Variants in DIAPH1 observed in about 807,000 individuals in gnomAD.
The protein encoded by DIAPH1 is protein diaphanous homolog 1.
A neutral mutation model predicts 140.7 loss-of-function variants in DIAPH1; 46 were observed. The observed-to-expected ratio is 0.33, with a 90% CI of 0.26 to 0.42. DIAPH1 has a LOEUF of 0.42. Ranked by LOEUF, DIAPH1 falls within the 10% of genes least tolerant of loss-of-function variation. DIAPH1 has a pLI of 1.00. For synonymous variants in DIAPH1, 565 were observed against 551.6 expected (o/e 1.02, Z -0.34); for missense variants, 1,310 against 1,558.7 (o/e 0.84, Z 2.69).
At position 141,529,206 on chromosome 5, in the gene DIAPH1, T is replaced by C; in HGVS notation, c.2744A>G (p.Asp915Gly). 1 of 1,614,188 alleles carries C rather than the reference T, an allele frequency of 6.2e-7. No individual in the cohort carries two copies. The highest frequency in any genetic ancestry group is 8.5e-7 in the Non-Finnish European group (1 of 1,180,030). Residue 915 changes from aspartate (D) to glycine (G), a missense_variant, in exon 21 of 28, where the codon GAT becomes GGT. Coordinates refer to ENST00000389054, the MANE Select transcript of DIAPH1 (RefSeq NM_005219.5). ...KMLSELKDEY[D>G]DLAESEQFGV... ...AAACTGCTCTGACTCAGCCAGGTCA[T>C]CATATTCATCCTTCAGTTCAGAAAG...
At chr5:141,531,893 G>A (rs2099888288) in intron 19 of DIAPH1, among the ~76,000 whole-genome samples, 2 of 152,020 alleles carry the variant, frequency 1.3e-5, no homozygotes, top group Admixed American at 1.3e-4. Context: ...ACTCATCTCT[G>A]CCTATAGTCT....
At chr5:141,520,950 A>G (rs2099886439) in intron 27 of DIAPH1, among the ~76,000 whole-genome samples, 1 of 152,072 alleles carries the variant, frequency 6.6e-6, no homozygotes, top group African/African-American at 2.4e-5. Context: ...ACCCAGGCTG[A>G]AGTGCAGTGG....
At chr5:141,592,257 GC>G (rs913063088) in intron 1 of DIAPH1, among the ~76,000 whole-genome samples, 1 of 152,000 alleles carries the variant, frequency 6.6e-6, no homozygotes, top group African/African-American at 2.4e-5. Flanking sequence ...GTCAGTACAA[GC>G]AAAACGGTTT....
At chr5:141,532,953 A>G (rs2099888461) in intron 19 of DIAPH1, among the ~76,000 whole-genome samples, 1 of 152,222 alleles carries the variant, frequency 6.6e-6, no homozygotes, top group African/African-American at 2.4e-5. Flanking sequence ...AATCTCCATA[A>G]GACTTCACCA....
intron 18 of DIAPH1, chr5:141,560,652 TCA>T (rs1400650099): frequency 1.6e-5 from 3 of 186,608 alleles, no homozygotes; most frequent in Non-Finnish European, 2.3e-5. Context: ...GTGCTCCAGA[TCA>T]GTTTTAATCT....
chr5:141,537,176 C>T (rs927422818), intron 18 of DIAPH1, among the ~76,000 whole-genome samples: 21 of 151,724 alleles, frequency 1.4e-4, no homozygotes, highest in African/African-American at 4.8e-4. Context: ...CTCCAAAAAA[C>T]GAAAATCATA....
chr5:141,532,261 T>C (rs1395507430), intron 19 of DIAPH1, among the ~76,000 whole-genome samples: 2 of 152,156 alleles, frequency 1.3e-5, no homozygotes, highest in Non-Finnish European at 2.9e-5. Flanking sequence ...AACCTCAAAT[T>C]CCTGGGCTCA....
At chr5:141,608,642 C>A (rs929930347) in intron 1 of DIAPH1, among the ~76,000 whole-genome samples, 3 of 152,202 alleles carry the variant, frequency 2.0e-5, no homozygotes. Flanking sequence ...CTCCTCACCA[C>A]TAGTCACCAG....
chr5:141,529,022 G>A (rs1159403497), intron 21 of DIAPH1, 81 bp from the exon 22 acceptor site: 21 of 1,602,834 alleles, frequency 1.3e-5, no homozygotes, highest in East Asian at 2.2e-5. Flanking sequence ...CCTCCTATGG[G>A]AGGATCACAG....
At chr5:141,538,178 A>T (rs1341590882) in intron 18 of DIAPH1, among the ~76,000 whole-genome samples, 1 of 150,352 alleles carries the variant, frequency 6.7e-6, no homozygotes, top group African/African-American at 2.5e-5. Flanking sequence ...CTCCTGCCTC[A>T]GCCTCCTGAG....
rs532285219 is a variant in DIAPH1 at position 141,544,334 on chromosome 5, G to T, written c.2483-9901C>A. Among the ~76,000 whole-genome samples the T allele has an allele frequency of 1.8e-4, 27 of 151,800 alleles. No individual in the cohort carries two copies. In the South Asian group the frequency reaches 5.4e-3, roughly 30 times the overall value. On this transcript the variant is annotated intron_variant, in intron 18 of 27. Transcript: ENST00000389054. ...TCAAAAAAATAAAAATAAAAATAAA[G>T]AAAGAAAAGAATACAAAACATAAAA...
Position 141,592,593 on chromosome 5 carries a change from T to G in DIAPH1, c.118-4343A>C, listed in dbSNP as rs187885288. 4.9e-3 allele frequency among the ~76,000 whole-genome samples: 753 copies of G among 152,330 alleles called. 3 individuals are homozygous for G. Among genetic ancestry groups the G allele is most frequent in the Non-Finnish European group, 8.1e-3 (554 of 68,024 alleles). ...TGTATTAGGTCTCAGATATCCAAGA[T>G]TCTTAAAATTAAGTCTCTAATCATC... On this transcript the variant is annotated intron_variant, in intron 1 of 27. Transcript: ENST00000389054.
intron 18 of DIAPH1, among the ~76,000 whole-genome samples, chr5:141,541,128 T>C (rs1011483077): frequency 2.0e-5 from 3 of 152,168 alleles, no homozygotes; most frequent in Non-Finnish European, 4.4e-5. Flanking sequence ...AATGAAACTA[T>C]GACATCCACT....
intron 18 of DIAPH1, among the ~76,000 whole-genome samples, chr5:141,562,220 C>CA (rs578001246): frequency 8.8e-4 from 120 of 135,708 alleles, no homozygotes; most frequent in Middle Eastern, 3.8e-3. Context: ...GCTACTGTTT[C>CA]AAAAAAAAAA....
At position 141,577,464 on chromosome 5, in the gene DIAPH1, C is replaced by G; in HGVS notation, c.1280+11G>C. 6.4e-7 allele frequency: 1 copy of G among 1,568,864 alleles called. No individual in the cohort carries two copies. Among genetic ancestry groups the G allele is most frequent in the Non-Finnish European group, 8.8e-7 (1 of 1,138,864 alleles). On this transcript the variant is annotated intron_variant, in intron 12 of 27. Transcript: ENST00000389054. ...TCAAATTCAAAACTTCTCATAAGCA[C>G]AGCATCTTACCTGGCCTCATAGTCA...
At chr5:141,585,191 G>A (rs1158162019) in intron 3 of DIAPH1, among the ~76,000 whole-genome samples, 1 of 152,022 alleles carries the variant, frequency 6.6e-6, no homozygotes, top group Non-Finnish European at 1.5e-5. Context: ...TGCTGACCTC[G>A]TGATCCACCC....
rs754730261 is a variant in DIAPH1 at position 141,578,541 on chromosome 5, G to T, written c.1018C>A (p.Arg340Ser). The change falls in exon 10 of 28, where the codon CGT (arginine) becomes AGT (serine). Residue 340 changes from arginine (R) to serine (S), a missense_variant. Physicochemically the swap from Arg to Ser is moderately radical, Grantham distance 110. Around this residue, in one of 3 missense-constraint regions of DIAPH1, gnomAD observed 377 missense variants for 497.1 expected, o/e 0.76. Transcript: ENST00000389054. ...FRVHIRSELM[R>S]LGLHQVLQDL... ...TGCAACACCTGATGTAGCCCCAAAC[G>T]CATCAGTTCACTTCTGATGTGAACT... 25 of 1,613,564 alleles carry T rather than the reference G, an allele frequency of 1.5e-5. No homozygotes were observed. The highest frequency in any genetic ancestry group is 2.0e-5 in the Non-Finnish European group (24 of 1,179,652).
At chr5:141,549,463 C>T (rs370342526) in intron 18 of DIAPH1, among the ~76,000 whole-genome samples, 16 of 152,060 alleles carry the variant, frequency 1.1e-4, no homozygotes, top group African/African-American at 3.9e-4. Flanking sequence ...AATTAACACC[C>T]GTCACACAAT....
At chr5:141,544,343 G>C (rs1283912742) in intron 18 of DIAPH1, among the ~76,000 whole-genome samples, 1 of 148,456 alleles carries the variant, frequency 6.7e-6, no homozygotes, top group Non-Finnish European at 1.5e-5. Context: ...AGAAAGAAAA[G>C]AATACAAAAC....
Sources: gnomAD v4.1 joint callset for allele counts (sites outside exome capture counted in the v4.1 genomes callset) on GRCh38, gnomAD v4.1.1 for gene constraint, gnomAD v4.1.1 regional missense constraint, MANE v1.5 for transcripts, NCBI Gene and HGNC (gene_info 2026-07-23, HGNC 2026-07-21) for gene names.